Variants in PER2 observed in about 807,000 individuals in gnomAD.
PER2 encodes the protein period circadian protein homolog 2.
Under a neutral mutation model 121.0 loss-of-function variants are expected in PER2, and 66 were observed. The observed-to-expected ratio is 0.55, with a 90% CI of 0.45 to 0.67. The LOEUF is 0.67. Among genes scored for constraint, PER2 ranks in the 30% least tolerant of loss-of-function variants. The probability of loss-of-function intolerance (pLI) is 0.00; values close to 1 mark genes in which losing one functional copy is unlikely to be tolerated. For synonymous variants in PER2, 684 were observed against 659.9 expected, an observed-to-expected ratio of 1.04 and a Z score of -0.56; for missense variants, 1,521 against 1,635.0, an observed-to-expected ratio of 0.93 and a Z score of 1.20.
At chr2:238,262,450 G>A in intron 10 of PER2, 106 bp from the exon 11 acceptor site, 3 of 1,082,280 alleles carry the variant, frequency 2.8e-6, no homozygotes, top group South Asian at 2.6e-5. Context: ...TTTGCAAACT[G>A]TAGGGGTATG....
chr2:238,262,061 G>A, intron 11 of PER2, 130 bp downstream of exon 11: 1 of 953,572 alleles, frequency 1.0e-6, no homozygotes, highest in South Asian at 1.3e-5. Context: ...GCTCCAGATT[G>A]GTGGCAGGAA....
At chr2:238,265,373 T>C in intron 9 of PER2, 139 bp downstream of exon 9, 1 of 658,098 alleles carries the variant, frequency 1.5e-6, no homozygotes, top group Non-Finnish European at 2.8e-6. Context: ...TGTAATTCCA[T>C]AATTATTTCA....
At chr2:238,250,425 A>G (rs1695565756) in intron 21 of PER2, 126 bp downstream of exon 21, 1 of 727,928 alleles carries the variant, frequency 1.4e-6, no homozygotes, top group Admixed American at 2.1e-5. Context: ...TCTCTGCTGC[A>G]CTCAGCTAAA....
chr2:238,255,723 T>C lies in PER2; in HGVS notation c.2254A>G (p.Ser752Gly). Residue 752 changes from serine to glycine, a missense_variant, in exon 18 of 23, where the codon AGC becomes GGC. Ser to Gly is a moderately conservative substitution (Grantham distance 56). Transcript: ENST00000254657. ...LQKFKEIRKL[S>G]IFQSHCHYYL... Reference sequence around the variant, plus strand: ...TAATGGCAGTGGGACTGGAAAATGCTGAGTTTTCTTATTTCTTTGAACTTC... The same window carrying C: ...TAATGGCAGTGGGACTGGAAAATGCCGAGTTTTCTTATTTCTTTGAACTTC... 6.2e-7 allele frequency: 1 copy of C among 1,614,086 alleles called. No homozygotes were observed. Among genetic ancestry groups the C allele is most frequent in the East Asian group, 2.2e-5 (1 of 44,886 alleles).
intron 9 of PER2, 48 bp downstream of exon 9, chr2:238,265,464 G>A (rs771201935): frequency 2.0e-5 from 24 of 1,211,510 alleles, no homozygotes; most frequent in Middle Eastern, 1.9e-4. Context: ...TGGCTAAATA[G>A]CTTTTATATC....
At chr2:238,263,541 G>A (rs1224109984) in intron 9 of PER2, among the ~76,000 whole-genome samples, 1 of 152,130 alleles carries the variant, frequency 6.6e-6, no homozygotes. Context: ...GAGTCTCGGT[G>A]GCTGGCTGGG....
chr2:238,275,587 G>A (rs921220021), intron 4 of PER2, among the ~76,000 whole-genome samples, 156 bp downstream of exon 4: 1 of 152,252 alleles, frequency 6.6e-6, no homozygotes, highest in African/African-American at 2.4e-5. Context: ...TACTCAGGAG[G>A]CTGTGGCAGC....
chr2:238,272,621 T>A (rs1481653989), intron 5 of PER2, among the ~76,000 whole-genome samples: 1 of 152,186 alleles, frequency 6.6e-6, no homozygotes, highest in East Asian at 1.9e-4. Flanking sequence ...TAGGTGTGTG[T>A]GTATGTGGCC....
In PER2 at chr2:238,277,035, TA is replaced by T. The variant is rs1028721338; in HGVS notation, c.293+95del. On this transcript the variant is annotated intron_variant, in intron 3 of 22. Transcript: ENST00000254657. ...CACACAGATGGGTTTTAGCACAGCT[TA>T]AAAAAAGCCACGTCACTCCCAGAAA... 87 of 965,886 alleles carry T rather than the reference TA, an allele frequency of 9.0e-5. No homozygotes were observed. In the African/African-American group the frequency reaches 1.0e-3, roughly 11 times the overall value. The allele number at this position is 965,886 out of a possible 1,614,324, so 59.8% of individuals were successfully genotyped here. A position where few individuals can be genotyped will look rare whatever the true frequency, so the allele number is the denominator to read the frequency against.
rs776829229 is a variant in PER2, at chr2:238,277,143, G to A, written c.281C>T (p.Thr94Ile). The A allele has an allele frequency of 1.2e-6, 2 of 1,611,922 alleles. No homozygotes were observed. Among genetic ancestry groups the A allele is most frequent in the Admixed American group, 3.3e-5 (2 of 60,026 alleles). The part of the protein sequence containing the change: ...MMAKSEHNPS[T>I]SGCSSDQSSK... ...TAATTGGCCTTACCTGCAGCCACTTGTAGATGGGTTGTGTTCAGATTTTGC... is the reference window on the plus strand; with the variant it reads ...TAATTGGCCTTACCTGCAGCCACTTATAGATGGGTTGTGTTCAGATTTTGC... The change falls in exon 3 of 23, where the codon ACA becomes ATA. Residue 94 changes from threonine to isoleucine, a missense_variant. Thr to Ile is a moderately conservative substitution (Grantham distance 89). Transcript: ENST00000254657.
At chr2:238,287,242 C>T (rs1234752388) in intron 1 of PER2, among the ~76,000 whole-genome samples, 1 of 152,242 alleles carries the variant, frequency 6.6e-6, no homozygotes, top group Non-Finnish European at 1.5e-5. Flanking sequence ...GCCATCCCCG[C>T]GCTGGCACAC....
At position 238,252,225 on chromosome 2, in the gene PER2, A is replaced by G. The variant is rs1327887592; in HGVS notation, c.3112-464T>C. ...GCAGGCCCAGGACTCCAGAAGCAGG[A>G]GCCCGGAGGTGGCAGGAGGACTGGG... On this transcript the variant is annotated intron_variant, in intron 19 of 22. Transcript: ENST00000254657. The surrounding 1 kb of genome is among the most constrained non-coding windows in gnomAD (Gnocchi z 4.2). 1.3e-5 allele frequency among the ~76,000 whole-genome samples: 2 copies of G among 152,164 alleles called. No individual in the cohort carries two copies. Among genetic ancestry groups the G allele is most frequent in the Non-Finnish European group, 2.9e-5 (2 of 68,028 alleles).
At chr2:238,285,906 CCT>C (rs1696768147) in intron 1 of PER2, among the ~76,000 whole-genome samples, 1 of 149,118 alleles carries the variant, frequency 6.7e-6, no homozygotes, top group Admixed American at 6.9e-5. Flanking sequence ...GAGCCAACTC[CCT>C]GAGGCCAGCC....
At position 238,253,366 on chromosome 2, in the gene PER2, T is replaced by C; in HGVS notation, c.2657A>G (p.Gln886Arg). ...TGGGGGCTGGACTGCAAACTGGTGC[T>C]GGAGGTCCACGGGCACAGCAGGCAC... ...FTVPAVPVDL[Q>R]HQFAVQPPPF... is the part of the protein sequence containing the mutation. The change falls in exon 19 of 23, where the codon CAG becomes CGG. Residue 886 changes from glutamine (Q) to arginine (R), a missense_variant. Gln to Arg is a conservative substitution (Grantham distance 43, BLOSUM62 1). Transcript: ENST00000254657. This position sits in a 1 kb window ranked among gnomAD's most constrained non-coding sequence, Gnocchi z 5.6. 1 of 1,612,912 alleles carries C rather than the reference T, an allele frequency of 6.2e-7. No homozygotes were observed. Among genetic ancestry groups the C allele is most frequent in the Non-Finnish European group, 8.5e-7 (1 of 1,179,398 alleles).
intron 19 of PER2, among the ~76,000 whole-genome samples, 160 bp from the exon 20 acceptor site, chr2:238,251,921 G>T (rs984369656): frequency 6.6e-6 from 1 of 152,170 alleles, no homozygotes; most frequent in South Asian, 2.1e-4. Flanking sequence ...AGCAGACCAC[G>T]CATCACCACC....
intron 4 of PER2, among the ~76,000 whole-genome samples, chr2:238,274,032 A>C (rs1696376810): frequency 6.6e-6 from 1 of 152,256 alleles, no homozygotes; most frequent in Non-Finnish European, 1.5e-5. Context: ...CAACCCCTGC[A>C]CATCTGACTC....
chr2:238,281,963 C>A (rs942217023), intron 1 of PER2, among the ~76,000 whole-genome samples: 1 of 152,204 alleles, frequency 6.6e-6, no homozygotes, highest in Non-Finnish European at 1.5e-5. Flanking sequence ...CCACGATCAT[C>A]CTGGCCAGGA....
At chr2:238,298,884 C>A in the PER2 span, 1 of 152,188 alleles carries the variant, frequency 6.6e-6, no homozygotes, top group African/African-American at 2.4e-5. Flanking sequence ...GGGAGAGTTC[C>A]TTGCCAACCT....
At chr2:238,290,451 C>T (rs1559340841), upstream of PER2, among the ~76,000 whole-genome samples, 1 of 152,214 alleles carries the variant, frequency 6.6e-6, no homozygotes, top group Admixed American at 6.5e-5. Flanking sequence ...TCATCCACAC[C>T]TTACCGAGAT....
Sources: gnomAD v4.1 joint callset for allele counts (sites outside exome capture counted in the v4.1 genomes callset) on GRCh38, gnomAD v4.1.1 for gene constraint, Gnocchi (gnomAD v3.1) non-coding constraint, MANE v1.5 for transcripts, NCBI Gene and HGNC (gene_info 2026-07-23, HGNC 2026-07-21) for gene names.